Variants in GPHN observed in about 807,000 individuals in gnomAD.
GPHN encodes the protein gephyrin.
In GPHN, 17 loss-of-function variants were observed where a neutral mutation model predicts 95.5. That is an observed-to-expected ratio of 0.18 (90% CI 0.12 to 0.27). The LOEUF is 0.27. GPHN is among the 10% of genes least tolerant of loss of function. The pLI is 1.00. For missense variants in GPHN, 660 were observed against 978.1 expected (o/e 0.67, Z 4.34); for synonymous variants, 320 against 322.5 (o/e 0.99, Z 0.08).
At chr14:67,352,164 T>C in the GPHN span, among the ~76,000 whole-genome samples, 1 of 151,850 alleles carries the variant, frequency 6.6e-6, no homozygotes, top group East Asian at 1.9e-4. Context: ...TCATAGAAAA[T>C]GCTTTTGTTA....
At chr14:66,654,318 C>A (rs531776607) in intron 1 of GPHN, among the ~76,000 whole-genome samples, 2 of 152,064 alleles carry the variant, frequency 1.3e-5, no homozygotes, top group African/African-American at 4.8e-5. Context: ...TGGTCTCGAA[C>A]CCCTGGCCTC....
the GPHN span, chr14:67,586,043 G>A: frequency 1.9e-6 from 3 of 1,613,902 alleles, no homozygotes; most frequent in South Asian, 2.2e-5. Context: ...TCCCAGACAA[G>A]AGCTCTGGAA....
the GPHN span, chr14:67,728,149 G>A: frequency 2.0e-5 from 3 of 152,178 alleles, no homozygotes; most frequent in East Asian, 3.8e-4. Flanking sequence ...TGACATCTGC[G>A]GATCTAGGGG....
chr14:67,659,695 AG>A, the GPHN span: 564 of 1,513,142 alleles, frequency 3.7e-4, no homozygotes, highest in Middle Eastern at 9.7e-4. Flanking sequence ...AGGCCCTTAA[AG>A]GAAAAAAAAA....
the GPHN span, among the ~76,000 whole-genome samples, chr14:67,307,773 A>T: frequency 6.6e-6 from 1 of 152,216 alleles, no homozygotes; most frequent in African/African-American, 2.4e-5. Context: ...ATAGTAAGAG[A>T]TACAGAAATA....
chr14:67,089,125 CTTTTTTTCTTTTT>C (rs1210246255), intron 12 of GPHN, 50 bp downstream of exon 12: 308 of 329,130 alleles, frequency 9.4e-4, no homozygotes, highest in South Asian at 2.3e-3. Flanking sequence ...ATTTTTTTTT[CTTTTTTTCTTTTT>C]TTTTTTTTTT....
At chr14:66,805,287 T>A (rs900073444) in intron 3 of GPHN, among the ~76,000 whole-genome samples, 1 of 152,262 alleles carries the variant, frequency 6.6e-6, no homozygotes, top group Middle Eastern at 3.4e-3. Context: ...GCCCCCATGA[T>A]TCAGTTACTT....
intron 16 of GPHN, among the ~76,000 whole-genome samples, chr14:67,118,054 C>T (rs143374567): frequency 6.6e-6 from 1 of 152,300 alleles, no homozygotes; most frequent in African/African-American, 2.4e-5. Context: ...GAAAACATCA[C>T]CTTGACAATG....
At chr14:66,782,590 C>T (rs1295111266) in intron 3 of GPHN, among the ~76,000 whole-genome samples, 4 of 152,016 alleles carry the variant, frequency 2.6e-5, no homozygotes, top group African/African-American at 7.2e-5. Flanking sequence ...GAGGCCAAGG[C>T]GGGCGGATCA....
chr14:66,556,974 G>A (rs1384327691), intron 1 of GPHN, among the ~76,000 whole-genome samples: 3 of 152,100 alleles, frequency 2.0e-5, no homozygotes, highest in Non-Finnish European at 4.4e-5. Flanking sequence ...CAAGACAGGA[G>A]GATTGCTGAG....
the GPHN span, chr14:67,645,622 G>A: frequency 1.7e-5 from 28 of 1,609,018 alleles, 1 homozygote; most frequent in Non-Finnish European, 2.3e-5. Context: ...GGGCCTTCAA[G>A]ATTATACTTG....
chr14:67,537,245 GA>G, the GPHN span, among the ~76,000 whole-genome samples: 1 of 145,640 alleles, frequency 6.9e-6, no homozygotes, highest in Admixed American at 7.0e-5. Flanking sequence ...TCAGGAGGCT[GA>G]GGCAGGAGAA....
At chr14:66,518,453 G>A (rs2058342629) in intron 1 of GPHN, among the ~76,000 whole-genome samples, 1 of 152,054 alleles carries the variant, frequency 6.6e-6, no homozygotes, top group Non-Finnish European at 1.5e-5. Flanking sequence ...ACTACAGATA[G>A]AACTACCATA....
intron 19 of GPHN, among the ~76,000 whole-genome samples, chr14:67,162,004 G>T (rs1273951745): frequency 2.0e-5 from 3 of 151,974 alleles, no homozygotes; most frequent in Admixed American, 1.3e-4. Context: ...TTGTGTAAAT[G>T]CTGTTATAGT....
intron 18 of GPHN, among the ~76,000 whole-genome samples, chr14:67,153,361 G>A (rs2081394433): frequency 6.6e-6 from 1 of 152,202 alleles, no homozygotes; most frequent in Non-Finnish European, 1.5e-5. Flanking sequence ...CCAAGATCCA[G>A]GTGACAGCAT....
At chr14:67,560,003 C>G in the GPHN span, among the ~76,000 whole-genome samples, 1 of 152,126 alleles carries the variant, frequency 6.6e-6, no homozygotes, top group African/African-American at 2.4e-5. Context: ...TGTCCACTCT[C>G]TCCACTTTCT....
At chr14:67,356,951 T>C in the GPHN span, among the ~76,000 whole-genome samples, 25 of 152,364 alleles carry the variant, frequency 1.6e-4, no homozygotes, top group East Asian at 5.8e-4. Flanking sequence ...AGCCAGTTTA[T>C]AGTAAAAGGT....
At chr14:66,703,519 G>T (rs899637149) in intron 2 of GPHN, among the ~76,000 whole-genome samples, 1 of 151,900 alleles carries the variant, frequency 6.6e-6, no homozygotes, top group Non-Finnish European at 1.5e-5. Flanking sequence ...AATTTTAAAC[G>T]CAGAATTTCA....
chr14:67,459,644 C>T, the GPHN span, among the ~76,000 whole-genome samples: 3 of 152,332 alleles, frequency 2.0e-5, no homozygotes, highest in South Asian at 2.1e-4. Flanking sequence ...CCTGGTTACA[C>T]GTAAGCTTCT....
Sources: gnomAD v4.1 joint callset for allele counts (sites outside exome capture counted in the v4.1 genomes callset) on GRCh38, gnomAD v4.1.1 for gene constraint, MANE v1.5 for transcripts, NCBI Gene and HGNC (gene_info 2026-07-23, HGNC 2026-07-21) for gene names.